The following DAB1 variants were observed in gnomAD, a reference collection of about 807,000 sequenced individuals.
DAB1 encodes disabled homolog 1.
A neutral mutation model predicts 64.6 loss-of-function variants in DAB1; 15 were observed. The ratio of observed to expected loss-of-function variants is 0.23; its 90% CI spans 0.16 to 0.36. DAB1 has a LOEUF of 0.36. Among genes scored for constraint, DAB1 ranks in the 10% least tolerant of loss-of-function variants. The pLI, the probability that DAB1 is intolerant of heterozygous loss-of-function variation, is 1.00. For synonymous variants in DAB1, 235 were observed against 251.9 expected, an observed-to-expected ratio of 0.93 and a Z score of 0.64; for missense variants, 596 against 706.7, an observed-to-expected ratio of 0.84 and a Z score of 1.78.
At chr1:57,144,595 G>A (rs887061419) in intron 3 of DAB1, among the ~76,000 whole-genome samples, 1 of 151,740 alleles carries the variant, frequency 6.6e-6, no homozygotes, top group Admixed American at 6.6e-5. Context: ...TCAGGAGGCT[G>A]AGGCAGGAGA....
At chr1:58,294,894 G>GTGTGTGTA (rs1260307814) in intron 4 of DAB1, among the ~76,000 whole-genome samples, 1 of 151,734 alleles carries the variant, frequency 6.6e-6, no homozygotes. Context: ...GTGTGTGTGT[G>GTGTGTGTA]TGTGTGTGTT....
chr1:58,353,470 C>T (rs1644078601), intron 3 of DAB1, among the ~76,000 whole-genome samples: 1 of 152,114 alleles, frequency 6.6e-6, no homozygotes, highest in South Asian at 2.1e-4. Context: ...TATTAGTCTA[C>T]AATATTCTGC....
intron 5 of DAB1, among the ~76,000 whole-genome samples, chr1:58,051,007 T>C (rs4322251): frequency 0.046 from 6,994 of 152,240 alleles, 543 homozygotes; most frequent in African/African-American, 0.16. Flanking sequence ...TGTATTGCTA[T>C]AAAGGACGAC....
chr1:57,037,704 G>C (rs1430618547), intron 9 of DAB1, among the ~76,000 whole-genome samples: 1 of 152,206 alleles, frequency 6.6e-6, no homozygotes, highest in African/African-American at 2.4e-5. Context: ...TTATCTAGGA[G>C]TTTATGCTAT....
At chr1:57,239,742 T>C (rs1042826369) in intron 2 of DAB1, among the ~76,000 whole-genome samples, 3 of 152,190 alleles carry the variant, frequency 2.0e-5, no homozygotes, top group Non-Finnish European at 4.4e-5. Context: ...GGTCAATTAA[T>C]TAGGTTCCTC....
At chr1:57,420,798 C>A (rs1684832180) in intron 1 of DAB1, among the ~76,000 whole-genome samples, 1 of 152,222 alleles carries the variant, frequency 6.6e-6, no homozygotes, top group African/African-American at 2.4e-5. Context: ...AGTTGAGATT[C>A]ATCCTCAACT....
intron 2 of DAB1, among the ~76,000 whole-genome samples, chr1:57,196,319 T>C (rs1028146275): frequency 1.3e-5 from 2 of 152,220 alleles, no homozygotes; most frequent in African/African-American, 2.4e-5. Context: ...AGTGTAGCCA[T>C]CCTCACCATA....
In DAB1 at chr1:57,270,381, T is replaced by A. The variant is rs77547628; in HGVS notation, c.67+20583A>T. On this transcript the variant is annotated intron_variant, in intron 2 of 14. Coordinates refer to ENST00000371236, the MANE Select transcript of DAB1 (RefSeq NM_001365792.1). ...AAACAATTTATTTAAAGTTACTCCA[T>A]TAATTAAAAAGTTGCTAAGAATACC... Among the ~76,000 whole-genome samples the A allele has an allele frequency of 1.6e-3, 240 of 152,306 alleles. 5 individuals carry two copies. The East Asian group carries it at 0.043, about 27-fold the overall frequency.
chr1:58,279,885 C>T (rs187602634), intron 4 of DAB1, among the ~76,000 whole-genome samples: 8 of 152,016 alleles, frequency 5.3e-5, no homozygotes, highest in Non-Finnish European at 8.8e-5. Flanking sequence ...GAGCCTTTGC[C>T]GTGACTTTGC....
intron 2 of DAB1, among the ~76,000 whole-genome samples, chr1:57,181,890 T>C (rs1662975717): frequency 6.6e-6 from 1 of 152,090 alleles, no homozygotes; most frequent in Admixed American, 6.5e-5. Flanking sequence ...GTTTTGTTTG[T>C]TTTGTTTTGT....
chr1:57,183,338 C>A (rs1412706346), intron 2 of DAB1, among the ~76,000 whole-genome samples: 8 of 152,072 alleles, frequency 5.3e-5, no homozygotes, highest in Admixed American at 4.6e-4. Flanking sequence ...GACACAAAAC[C>A]CTGTAGAGAT....
intron 7 of DAB1, among the ~76,000 whole-genome samples, chr1:57,513,434 C>G (rs558141733): frequency 2.0e-5 from 3 of 152,150 alleles, no homozygotes; most frequent in African/African-American, 7.2e-5. Flanking sequence ...TATCTTTTTT[C>G]TTTCTTGGTT....
At chr1:57,474,975 C>T (rs1195495068) in intron 7 of DAB1, among the ~76,000 whole-genome samples, 1 of 152,056 alleles carries the variant, frequency 6.6e-6, no homozygotes, top group Non-Finnish European at 1.5e-5. Context: ...AAGAAATTGG[C>T]CTGGCTGGGC....
chr1:58,390,214 A>T (rs1261842538), intron 3 of DAB1, among the ~76,000 whole-genome samples: 4 of 152,062 alleles, frequency 2.6e-5, no homozygotes, highest in African/African-American at 9.7e-5. Context: ...GGCGGAAGAC[A>T]CACACACATA....
intron 7 of DAB1, among the ~76,000 whole-genome samples, chr1:57,641,909 C>T (rs576895353): frequency 4.6e-5 from 7 of 152,244 alleles, no homozygotes; most frequent in African/African-American, 1.7e-4. Flanking sequence ...AAGTTGTGAG[C>T]AGTTCACAAA....
chr1:57,638,268 A>G (rs892878857), intron 7 of DAB1, among the ~76,000 whole-genome samples: 1 of 152,246 alleles, frequency 6.6e-6, no homozygotes, highest in African/African-American at 2.4e-5. Context: ...GTTACTTTTC[A>G]TTAATAAAAA....
chr1:57,074,541 C>G (rs527531034), intron 4 of DAB1, among the ~76,000 whole-genome samples: 10 of 152,148 alleles, frequency 6.6e-5, no homozygotes, highest in Admixed American at 5.9e-4. Flanking sequence ...ATCCCTTGGC[C>G]GGATGCAATC....
chr1:57,101,007 A>G (rs1488536602), intron 4 of DAB1, among the ~76,000 whole-genome samples: 1 of 152,186 alleles, frequency 6.6e-6, no homozygotes, highest in Non-Finnish European at 1.5e-5. Flanking sequence ...CCATTTCCAG[A>G]GATGGGCACT....
At chr1:57,171,662 C>T (rs1661779895) in intron 2 of DAB1, among the ~76,000 whole-genome samples, 1 of 152,142 alleles carries the variant, frequency 6.6e-6, no homozygotes, top group Non-Finnish European at 1.5e-5. Context: ...TAAAAAAATA[C>T]ATATTACATA....
Sources: gnomAD v4.1 joint callset for allele counts (sites outside exome capture counted in the v4.1 genomes callset) on GRCh38, gnomAD v4.1.1 for gene constraint, MANE v1.5 for transcripts, NCBI Gene and HGNC (gene_info 2026-07-23, HGNC 2026-07-21) for gene names.